SCFD1: variants seen among roughly 807,000 people sequenced by gnomAD.
SCFD1 encodes the protein sec1 family domain containing 1, also known as sec1 family domain-containing protein 1.
SCFD1 carries 37 observed loss-of-function variants against 103.2 expected under a neutral mutation model. The ratio of observed to expected loss-of-function variants is 0.36; its 90% CI spans 0.28 to 0.47. The LOEUF (loss-of-function observed/expected upper bound fraction) is 0.47, where lower values mean the gene tolerates loss of function less well. SCFD1 is among the 20% of genes least tolerant of loss of function. The pLI is 1.00. For synonymous variants in SCFD1, 264 were observed against 245.0 expected (o/e 1.08, Z -0.73); for missense variants, 639 against 761.2 (o/e 0.84, Z 1.89).
At chr14:30,715,147 C>A (rs1892184639) in intron 19 of SCFD1, among the ~76,000 whole-genome samples, 1 of 152,134 alleles carries the variant, frequency 6.6e-6, no homozygotes, top group African/African-American at 2.4e-5. Context: ...TACCCATTTT[C>A]CTAAGTACAA....
At chr14:30,625,247 A>G (rs1192943128) in intron 1 of SCFD1, among the ~76,000 whole-genome samples, 2 of 152,180 alleles carry the variant, frequency 1.3e-5, no homozygotes, top group African/African-American at 4.8e-5. Context: ...TATGTAAGTA[A>G]TGACATTAAC....
intron 15 of SCFD1, 81 bp from the exon 16 acceptor site, chr14:30,700,107 A>C (rs1431853626): frequency 2.1e-6 from 2 of 966,972 alleles, no homozygotes; most frequent in Middle Eastern, 2.9e-4. Flanking sequence ...TATGCCTTGA[A>C]ATGTAACATA....
At chr14:30,734,658 C>A (rs1893710477) in intron 23 of SCFD1, 132 bp from the exon 24 acceptor site, 4 of 703,410 alleles carry the variant, frequency 5.7e-6, no homozygotes, top group African/African-American at 5.3e-5. Flanking sequence ...GATGTGTATA[C>A]TAAAATCCAA....
chr14:30,734,485 A>T (rs979901910), intron 23 of SCFD1: 6 of 337,208 alleles, frequency 1.8e-5, no homozygotes, highest in African/African-American at 1.3e-4. Flanking sequence ...CTAAGATTTT[A>T]TAGGTAACTG....
At chr14:30,707,704 C>A in intron 18 of SCFD1, 2 of 383,124 alleles carry the variant, frequency 5.2e-6, no homozygotes, top group East Asian at 6.4e-5. Flanking sequence ...ATAGCTAAGA[C>A]TAGGAAATTA....
chr14:30,676,226 A>C (rs1889024036), intron 14 of SCFD1: 1 of 152,246 alleles, frequency 6.6e-6, no homozygotes, highest in Admixed American at 6.5e-5. Context: ...ATAGTTTGAG[A>C]AAATTTTGGT....
At position 30,730,482 on chromosome 14, in the gene SCFD1, A is replaced by C. The variant is rs545525618; in HGVS notation, c.1837-4308A>C. 8.5e-5 allele frequency among the ~76,000 whole-genome samples: 13 copies of C among 152,344 alleles called. No individual in the cohort carries two copies. The South Asian group carries it at 2.3e-3, about 27-fold the overall frequency. Reference sequence around the variant, plus strand: ...TAGTTTACAGTCCCACCAACAGTGTAAAAGTGTTCCTATTTCTCCACATCC... The same window carrying C: ...TAGTTTACAGTCCCACCAACAGTGTCAAAGTGTTCCTATTTCTCCACATCC... On this transcript the variant is annotated intron_variant, in intron 23 of 24. Coordinates refer to ENST00000458591, the MANE Select transcript of SCFD1 (RefSeq NM_016106.4).
chr14:30,656,781 G>GTT (rs1886949879), intron 10 of SCFD1, among the ~76,000 whole-genome samples: 1 of 152,104 alleles, frequency 6.6e-6, no homozygotes, highest in African/African-American at 2.4e-5. Flanking sequence ...GGCTCCAGGG[G>GTT]TTAGCCAGTT....
intron 17 of SCFD1, among the ~76,000 whole-genome samples, chr14:30,703,513 T>C (rs1271173600): frequency 2.6e-5 from 4 of 151,528 alleles, no homozygotes; most frequent in African/African-American, 7.3e-5. Flanking sequence ...TTGGGTGCTT[T>C]TCTTTATTTT....
intron 3 of SCFD1, among the ~76,000 whole-genome samples, chr14:30,632,126 A>G (rs1336246471): frequency 2.0e-5 from 3 of 151,646 alleles, no homozygotes; most frequent in Non-Finnish European, 2.9e-5. Context: ...TCTGTATACT[A>G]AAAGAGTCCA....
intron 23 of SCFD1, among the ~76,000 whole-genome samples, chr14:30,733,000 ATT>A (rs757293549): frequency 6.8e-6 from 1 of 147,342 alleles, no homozygotes; most frequent in Non-Finnish European, 1.5e-5. Flanking sequence ...ATAAAGTTCG[ATT>A]TTTTTTTCTT....
intron 1 of SCFD1, among the ~76,000 whole-genome samples, chr14:30,623,154 A>G (rs2057285): frequency 0.015 from 2,213 of 152,238 alleles, 60 homozygotes; most frequent in African/African-American, 0.05. Context: ...CCTGTTAGCT[A>G]CAAACTAAAG....
At chr14:30,665,521 G>A (rs1011329687) in intron 10 of SCFD1, among the ~76,000 whole-genome samples, 6 of 152,234 alleles carry the variant, frequency 3.9e-5, no homozygotes, top group Admixed American at 6.5e-5. Flanking sequence ...CATAATGACA[G>A]GATCAAATTC....
intron 7 of SCFD1, among the ~76,000 whole-genome samples, chr14:30,645,048 ATAGC>A (rs1885674119): frequency 6.6e-6 from 1 of 152,166 alleles, no homozygotes; most frequent in Admixed American, 6.5e-5. Flanking sequence ...TCTCCTGCGT[ATAGC>A]TAGCCAGTTA....
intron 4 of SCFD1, chr14:30,634,963 G>C (rs1191669469): frequency 3.7e-5 from 17 of 455,896 alleles, no homozygotes; most frequent in Non-Finnish European, 6.6e-5. Flanking sequence ...TCAATATTTA[G>C]ATGAGTCACC....
chr14:30,727,887 G>A (rs1354300492), intron 23 of SCFD1, among the ~76,000 whole-genome samples: 1 of 152,060 alleles, frequency 6.6e-6, no homozygotes, highest in Non-Finnish European at 1.5e-5. Context: ...TTGTCCACAT[G>A]TGAGGAAAGA....
At chr14:30,695,567 A>C (rs910359915) in intron 15 of SCFD1, among the ~76,000 whole-genome samples, 8 of 152,148 alleles carry the variant, frequency 5.3e-5, no homozygotes, top group Non-Finnish European at 8.8e-5. Flanking sequence ...TGAACTGTGC[A>C]CTTAACAATG....
intron 10 of SCFD1, among the ~76,000 whole-genome samples, chr14:30,665,070 C>T (rs1430547871): frequency 6.6e-6 from 1 of 152,030 alleles, no homozygotes; most frequent in African/African-American, 2.4e-5. Flanking sequence ...TCAAGAAGAG[C>T]AACCCCAAGA....
At chr14:30,725,967 C>T (rs189792968) in intron 23 of SCFD1, among the ~76,000 whole-genome samples, 20 of 152,272 alleles carry the variant, frequency 1.3e-4, no homozygotes, top group African/African-American at 3.6e-4. Context: ...TAGAACATTT[C>T]ATTCAGGTTT....
Sources: allele counts gnomAD v4.1 joint callset (sites outside exome capture counted in the v4.1 genomes callset), GRCh38; gene constraint gnomAD v4.1.1; transcripts MANE v1.5; gene names NCBI Gene and HGNC (gene_info 2026-07-23, HGNC 2026-07-21).